TFEC: variants seen among roughly 807,000 people sequenced by gnomAD.
The protein encoded by TFEC is class E basic helix-loop-helix protein 34.
In TFEC, 31 loss-of-function variants were observed where a neutral mutation model predicts 41.6. That is an observed-to-expected ratio of 0.74 (90% confidence interval 0.56 to 1.01). The LOEUF (loss-of-function observed/expected upper bound fraction) is 1.01. TFEC is among the 50% of genes least tolerant of loss of function. The pLI, the probability that TFEC is intolerant of heterozygous loss-of-function variation, is 0.00. For synonymous variants in TFEC, 143 were observed against 140.6 expected (o/e 1.02, Z -0.12); for missense variants, 402 against 404.1 (o/e 0.99, Z 0.04).
In TFEC at chr7:116,144,090, C is replaced by T. The variant is rs542302463; in HGVS notation, c.-69+15700G>A. On this transcript the variant is annotated intron_variant, in intron 1 of 8. Transcript: ENST00000484212. ...AAAATTAGCCAGGTATGGTGGCACA[C>T]GCCTGTAATCCCAGCTACTCAGGAG... Among the ~76,000 whole-genome samples the T allele has an allele frequency of 3.3e-5, 5 of 152,100 alleles. No individual in the cohort carries two copies. The East Asian group carries it at 5.8e-4, about 18-fold the overall frequency.
At chr7:116,004,382 C>G (rs1366538087) in intron 1 of TFEC, among the ~76,000 whole-genome samples, 1 of 152,082 alleles carries the variant, frequency 6.6e-6, no homozygotes, top group Non-Finnish European at 1.5e-5. Flanking sequence ...GAATACATAT[C>G]CTTATGCATT....
chr7:116,132,048 C>T (rs1240415258), intron 1 of TFEC, among the ~76,000 whole-genome samples: 4 of 152,102 alleles, frequency 2.6e-5, no homozygotes, highest in African/African-American at 7.2e-5. Context: ...CATTTGATGG[C>T]GAGGTCAGAA....
At chr7:116,053,892 A>T (rs1443414779) in intron 3 of TFEC, among the ~76,000 whole-genome samples, 1 of 152,252 alleles carries the variant, frequency 6.6e-6, no homozygotes, top group African/African-American at 2.4e-5. Flanking sequence ...ATACAAATGC[A>T]TACTGTGTAC....
intron 1 of TFEC, among the ~76,000 whole-genome samples, chr7:116,115,444 G>A: frequency 6.6e-6 from 1 of 151,860 alleles, no homozygotes; most frequent in East Asian, 1.9e-4. Flanking sequence ...GCTTTTTTCA[G>A]ATTCTAGAAG....
At chr7:116,033,850 T>C (rs1015009276), upstream of TFEC, among the ~76,000 whole-genome samples, 1 of 152,168 alleles carries the variant, frequency 6.6e-6, no homozygotes, top group Non-Finnish European at 1.5e-5. Context: ...ACTCCATTTC[T>C]TTGTGCCCTT....
intron 3 of TFEC, 128 bp downstream of exon 3, chr7:115,974,042 A>G: frequency 3.0e-6 from 2 of 661,792 alleles, no homozygotes; most frequent in South Asian, 2.1e-5. Flanking sequence ...AATATTTTCT[A>G]GTATTCATCT....
chr7:115,979,103 A>G (rs1436366377), intron 2 of TFEC, among the ~76,000 whole-genome samples: 1 of 151,968 alleles, frequency 6.6e-6, no homozygotes, highest in East Asian at 1.9e-4. Context: ...ACTTTCTCAC[A>G]CCCACAATAG....
intron 1 of TFEC, among the ~76,000 whole-genome samples, chr7:116,011,105 C>T (rs1794984149): frequency 2.0e-5 from 3 of 152,054 alleles, no homozygotes; most frequent in African/African-American, 4.8e-5. Context: ...AGTAAATATT[C>T]GTATGCTTTG....
chr7:116,004,478 G>A (rs1036945228), intron 1 of TFEC, among the ~76,000 whole-genome samples: 1 of 152,096 alleles, frequency 6.6e-6, no homozygotes, highest in Non-Finnish European at 1.5e-5. Flanking sequence ...GTCAATGTAG[G>A]TTCGTCAATA....
rs536518420 is a variant in TFEC at position 116,122,826 on chromosome 7, T to A, written c.-68-10788A>T. 2.6e-5 allele frequency among the ~76,000 whole-genome samples: 4 copies of A among 152,186 alleles called. No homozygotes were observed. The South Asian group carries it at 8.3e-4, about 32-fold the overall frequency. Reference sequence around the variant, plus strand: ...ATGCCCCTTCCCCCCACTTTCCTCATTGTGGCCAACACTGGTGTTAGTGTG... The same window carrying A: ...ATGCCCCTTCCCCCCACTTTCCTCAATGTGGCCAACACTGGTGTTAGTGTG... On this transcript the variant is annotated intron_variant, in intron 1 of 8. Transcript: ENST00000484212.
At chr7:116,101,899 T>C (rs1797613524) in intron 3 of TFEC, among the ~76,000 whole-genome samples, 1 of 152,200 alleles carries the variant, frequency 6.6e-6, no homozygotes, top group Non-Finnish European at 1.5e-5. Flanking sequence ...CATTTGTTCA[T>C]ATGTTGGAGC....
At chr7:115,945,499 C>A (rs1300179328) in intron 6 of TFEC, among the ~76,000 whole-genome samples, 1 of 151,560 alleles carries the variant, frequency 6.6e-6, no homozygotes, top group Non-Finnish European at 1.5e-5. Context: ...CACAGCAAGC[C>A]AAGGAATAAA....
At chr7:116,127,788 G>A (rs1450958281) in intron 1 of TFEC, among the ~76,000 whole-genome samples, 1 of 151,430 alleles carries the variant, frequency 6.6e-6, no homozygotes, top group Non-Finnish European at 1.5e-5. Flanking sequence ...ATATTTCTAA[G>A]TAATGGCTTG....
intron 3 of TFEC, among the ~76,000 whole-genome samples, chr7:115,960,467 T>C (rs1792481101): frequency 1.3e-5 from 2 of 151,660 alleles, no homozygotes; most frequent in South Asian, 4.1e-4. Context: ...TCGAATATCT[T>C]GGTAAAGTGA....
At chr7:116,100,933 C>T (rs919941604) in intron 3 of TFEC, among the ~76,000 whole-genome samples, 11 of 151,976 alleles carry the variant, frequency 7.2e-5, no homozygotes, top group South Asian at 4.2e-4. Flanking sequence ...GATGGGAGGA[C>T]GGAAGCAAAT....
intron 2 of TFEC, among the ~76,000 whole-genome samples, chr7:115,978,246 T>C (rs1281970852): frequency 6.6e-6 from 1 of 152,182 alleles, no homozygotes; most frequent in Non-Finnish European, 1.5e-5. Context: ...AGTAGTGGTA[T>C]TCATATTAAG....
chr7:115,964,545 T>A, intron 3 of TFEC, among the ~76,000 whole-genome samples: 1 of 151,596 alleles, frequency 6.6e-6, no homozygotes. Context: ...TTCCCATAAG[T>A]GTATTTTATA....
intron 1 of TFEC, among the ~76,000 whole-genome samples, chr7:116,001,909 G>A (rs1193004699): frequency 6.6e-6 from 1 of 151,992 alleles, no homozygotes; most frequent in Non-Finnish European, 1.5e-5. Flanking sequence ...CATACAAAAA[G>A]GTATATAAAA....
intron 1 of TFEC, among the ~76,000 whole-genome samples, chr7:116,128,289 T>A (rs1032342603): frequency 1.3e-5 from 2 of 152,156 alleles, no homozygotes; most frequent in Admixed American, 1.3e-4. Flanking sequence ...AGACTTTTCA[T>A]TGGCAAAAAT....
Sources: gnomAD v4.1 joint callset for allele counts (sites outside exome capture counted in the v4.1 genomes callset) on GRCh38, gnomAD v4.1.1 for gene constraint, MANE v1.5 for transcripts, NCBI Gene and HGNC (gene_info 2026-07-23, HGNC 2026-07-21) for gene names.